NKAIN2: variants seen among roughly 807,000 people sequenced by gnomAD.
NKAIN2 encodes sodium/potassium transporting ATPase interacting 2, also known as sodium/potassium-transporting ATPase subunit beta-1-interacting protein 2.
NKAIN2 carries 14 observed loss-of-function variants against 32.6 expected under a neutral mutation model. That is an observed-to-expected ratio of 0.43 (90% CI 0.28 to 0.67). The LOEUF is 0.67. Ranked by LOEUF, NKAIN2 falls within the 30% of genes least tolerant of loss-of-function variation. The probability of loss-of-function intolerance (pLI) is 0.17; values close to 1 mark genes in which losing one functional copy is unlikely to be tolerated. For synonymous variants in NKAIN2, 80 were observed against 87.2 expected (o/e 0.92, Z 0.46); for missense variants, 198 against 258.3 (o/e 0.77, Z 1.60).
At chr6:123,807,549 A>T (rs888152199) in intron 1 of NKAIN2, among the ~76,000 whole-genome samples, 1 of 152,114 alleles carries the variant, frequency 6.6e-6, no homozygotes, top group African/African-American at 2.4e-5. Context: ...TGTAACTTTC[A>T]ACTTGTGAAA....
chr6:124,317,218 G>A (rs574498452), intron 2 of NKAIN2, among the ~76,000 whole-genome samples: 6 of 152,200 alleles, frequency 3.9e-5, no homozygotes, highest in African/African-American at 1.4e-4. Context: ...GTGAACTCAA[G>A]TTAGCATTGT....
At chr6:124,580,238 T>C (rs772712630) in intron 3 of NKAIN2, among the ~76,000 whole-genome samples, 15 of 152,152 alleles carry the variant, frequency 9.9e-5, no homozygotes, top group Non-Finnish European at 2.1e-4. Context: ...ACCCATATCT[T>C]GAGTAGAAAG....
chr6:124,344,798 T>A (rs900253949), intron 2 of NKAIN2, among the ~76,000 whole-genome samples: 1 of 152,224 alleles, frequency 6.6e-6, no homozygotes, highest in African/African-American at 2.4e-5. Context: ...TTTGACTTCC[T>A]CTTTTCCTAA....
chr6:124,222,247 A>G (rs1453676820), intron 1 of NKAIN2, among the ~76,000 whole-genome samples: 1 of 152,218 alleles, frequency 6.6e-6, no homozygotes, highest in Non-Finnish European at 1.5e-5. Flanking sequence ...AAGGAAAGAA[A>G]TGTTGTTGCC....
At chr6:123,840,111 A>G (rs1774805652) in intron 1 of NKAIN2, among the ~76,000 whole-genome samples, 1 of 152,058 alleles carries the variant, frequency 6.6e-6, no homozygotes, top group Non-Finnish European at 1.5e-5. Flanking sequence ...TATAACCTTT[A>G]GTATTCATAA....
chr6:124,298,949 A>G (rs571106808), intron 2 of NKAIN2, among the ~76,000 whole-genome samples: 1 of 152,360 alleles, frequency 6.6e-6, no homozygotes, highest in African/African-American at 2.4e-5. Flanking sequence ...GCTTGTGGAT[A>G]GGCTTTGTCC....
chr6:124,687,442 A>G (rs1773998595), intron 4 of NKAIN2, among the ~76,000 whole-genome samples: 1 of 137,386 alleles, frequency 7.3e-6, no homozygotes, highest in Non-Finnish European at 1.6e-5. Context: ...CCATATACAT[A>G]CATGGTATAT....
chr6:123,857,961 G>A (rs925970423), intron 1 of NKAIN2, among the ~76,000 whole-genome samples: 1 of 152,154 alleles, frequency 6.6e-6, no homozygotes, highest in Non-Finnish European at 1.5e-5. Context: ...TTTATCTGTT[G>A]ACTTGGAGAG....
intron 3 of NKAIN2, among the ~76,000 whole-genome samples, chr6:124,479,707 ATTTG>A (rs1257084596): frequency 4.6e-5 from 7 of 152,180 alleles, no homozygotes; most frequent in Non-Finnish European, 7.4e-5. Context: ...TTTAATTTGT[ATTTG>A]TTTGTTTAAA....
chr6:124,339,413 C>T (rs1798023522), intron 2 of NKAIN2, among the ~76,000 whole-genome samples: 2 of 152,156 alleles, frequency 1.3e-5, no homozygotes, highest in East Asian at 3.9e-4. Flanking sequence ...AGTTTGAAAT[C>T]TGTAGCAATG....
intron 1 of NKAIN2, among the ~76,000 whole-genome samples, chr6:124,164,705 G>A (rs117457953): frequency 2.0e-3 from 307 of 152,050 alleles, no homozygotes; most frequent in Non-Finnish European, 3.6e-3. Flanking sequence ...GTTTTAAGTA[G>A]TGTGGGCTTA....
At chr6:124,453,353 A>ACACACACG (rs1554210261) in intron 3 of NKAIN2, among the ~76,000 whole-genome samples, 2 of 136,128 alleles carry the variant, frequency 1.5e-5, no homozygotes, top group South Asian at 2.8e-4. Flanking sequence ...ACACACACAC[A>ACACACACG]CACACACACA....
intron 1 of NKAIN2, among the ~76,000 whole-genome samples, chr6:123,958,993 A>C (rs1385649196): frequency 6.6e-6 from 1 of 152,208 alleles, no homozygotes; most frequent in Admixed American, 6.5e-5. Context: ...AACCAATCCC[A>C]GGGAAGCTTT....
intron 1 of NKAIN2, among the ~76,000 whole-genome samples, chr6:124,070,970 C>A (rs1051828750): frequency 6.6e-6 from 1 of 152,156 alleles, no homozygotes. Context: ...ATACACACTG[C>A]CTTTGCCTCA....
intron 2 of NKAIN2, among the ~76,000 whole-genome samples, chr6:124,323,273 T>G (rs765716058): frequency 6.6e-6 from 1 of 152,210 alleles, no homozygotes; most frequent in Non-Finnish European, 1.5e-5. Flanking sequence ...AGTAATCGAT[T>G]TTGATTAAAT....
At chr6:124,306,601 T>C (rs1796513560) in intron 2 of NKAIN2, among the ~76,000 whole-genome samples, 1 of 152,146 alleles carries the variant, frequency 6.6e-6, no homozygotes, top group Non-Finnish European at 1.5e-5. Flanking sequence ...TATGCTGAGG[T>C]CTTAAAAGTG....
At chr6:124,208,356 T>C (rs931286396) in intron 1 of NKAIN2, among the ~76,000 whole-genome samples, 1 of 151,904 alleles carries the variant, frequency 6.6e-6, no homozygotes, top group Non-Finnish European at 1.5e-5. Context: ...TGTTCACATA[T>C]TAAGCTGTAT....
chr6:123,941,160 C>A (rs1212778950), intron 1 of NKAIN2, among the ~76,000 whole-genome samples: 1 of 151,854 alleles, frequency 6.6e-6, no homozygotes, highest in Non-Finnish European at 1.5e-5. Context: ...ATATCTTACA[C>A]CACTGGAAGG....
intron 3 of NKAIN2, among the ~76,000 whole-genome samples, chr6:124,370,010 G>A (rs1408525884): frequency 6.7e-6 from 1 of 149,526 alleles, no homozygotes; most frequent in African/African-American, 2.5e-5. Flanking sequence ...GGCATCCAGG[G>A]TTATTTGGCA....
Sources: gnomAD v4.1 joint callset for allele counts (sites outside exome capture counted in the v4.1 genomes callset) on GRCh38, gnomAD v4.1.1 for gene constraint, MANE v1.5 for transcripts, NCBI Gene and HGNC (gene_info 2026-07-23, HGNC 2026-07-21) for gene names.